FBLN2: variants seen among roughly 807,000 people sequenced by gnomAD.
FBLN2 encodes the protein fibulin 2.
FBLN2 carries 81 observed loss-of-function variants against 123.7 expected under a neutral mutation model. The ratio of observed to expected loss-of-function variants is 0.65; its 90% confidence interval spans 0.55 to 0.79. The LOEUF is 0.79. Ranked by LOEUF, FBLN2 falls within the 30% of genes least tolerant of loss-of-function variation. The pLI is 0.00. For synonymous variants in FBLN2, 699 were observed against 701.4 expected (o/e 1.00, Z 0.05); for missense variants, 1,603 against 1,681.3 (o/e 0.95, Z 0.81).
In FBLN2 at chr3:13,570,303, T is replaced by C; in HGVS notation, c.-41-12T>C. The C allele has an allele frequency of 6.8e-7, 1 of 1,464,204 alleles. No individual in the cohort carries two copies. Among genetic ancestry groups the C allele is most frequent in the Non-Finnish European group, 9.0e-7 (1 of 1,105,362 alleles). The allele number at this position is 1,464,204 out of a possible 1,614,324, so 90.7% of individuals were successfully genotyped here. A position where few individuals can be genotyped will look rare whatever the true frequency, so the allele number is the denominator to read the frequency against. On this transcript the variant is annotated splice_polypyrimidine_tract_variant and intron_variant, in intron 1 of 17. Transcript: ENST00000404922. The stretch of plus-strand genomic sequence containing the variant: ...ACCCAGTACTGACAGGCTTCCTTTC[T>C]GATTCCCCCAGGGTCTTACAGGAGA...
At chr3:13,579,278 G>A (rs368143128) in intron 2 of FBLN2, among the ~76,000 whole-genome samples, 7 of 152,306 alleles carry the variant, frequency 4.6e-5, no homozygotes, top group African/African-American at 1.4e-4. Context: ...TCTAGAATAC[G>A]CAAGCACACA....
chr3:13,620,134 G>A (rs1042052277), intron 8 of FBLN2, among the ~76,000 whole-genome samples: 1 of 152,182 alleles, frequency 6.6e-6, no homozygotes, highest in East Asian at 1.9e-4. Flanking sequence ...GTGTGCACCT[G>A]AGTCCCTGGA....
At chr3:13,590,481 A>T (rs1173871410) in intron 2 of FBLN2, among the ~76,000 whole-genome samples, 1 of 152,072 alleles carries the variant, frequency 6.6e-6, no homozygotes, top group Non-Finnish European at 1.5e-5. Flanking sequence ...GCCCACCACG[A>T]TGCCTGGCTA....
At position 13,598,698 on chromosome 3, in the gene FBLN2, C is replaced by G. The variant is rs146968134; in HGVS notation, c.1307-9364C>G. ...ACCCAGCCCCAGATTTTACCAGGGACCTGGTCTGTGCTGTGTGCTGGGCAC... is the reference window on the plus strand; with the variant it reads ...ACCCAGCCCCAGATTTTACCAGGGAGCTGGTCTGTGCTGTGTGCTGGGCAC... On this transcript the variant is annotated intron_variant, in intron 2 of 17. Coordinates refer to ENST00000404922, the MANE Select transcript of FBLN2 (RefSeq NM_001004019.2). Among the ~76,000 whole-genome samples the G allele has an allele frequency of 9.3e-4, 141 of 152,264 alleles. 1 individual carries two copies. Among genetic ancestry groups the G allele is most frequent in the African/African-American group, 3.2e-3 (135 of 41,544 alleles).
At chr3:13,610,609 G>A (rs988292688) in intron 4 of FBLN2, among the ~76,000 whole-genome samples, 1 of 152,194 alleles carries the variant, frequency 6.6e-6, no homozygotes, top group Non-Finnish European at 1.5e-5. Flanking sequence ...CTGTAAAGCC[G>A]TGGGAGGGAT....
At chr3:13,574,571 A>G (rs1168958098) in intron 2 of FBLN2, among the ~76,000 whole-genome samples, 1 of 152,094 alleles carries the variant, frequency 6.6e-6, no homozygotes, top group Non-Finnish European at 1.5e-5. Flanking sequence ...GCTCCAGCTC[A>G]AAGACAGGAC....
At chr3:13,631,186 C>T (rs900158854) in intron 15 of FBLN2, 143 bp from the exon 16 acceptor site, 15 of 1,102,320 alleles carry the variant, frequency 1.4e-5, no homozygotes, top group Non-Finnish European at 1.7e-5. Context: ...TTGGGCAACT[C>T]TCTTCTACTC....
At chr3:13,567,377 A>T (rs1172135692) in intron 1 of FBLN2, among the ~76,000 whole-genome samples, 3 of 152,112 alleles carry the variant, frequency 2.0e-5, no homozygotes, top group African/African-American at 7.2e-5. Context: ...TTTTGTTTTG[A>T]GACGGGGTCT....
intron 3 of FBLN2, among the ~76,000 whole-genome samples, chr3:13,608,740 C>A (rs1270137873): frequency 1.3e-5 from 2 of 152,134 alleles, no homozygotes; most frequent in Admixed American, 6.5e-5. Context: ...TTTCCAGGGA[C>A]CCCGTCTAAC....
chr3:13,622,159 TG>T (rs1372341117), intron 9 of FBLN2, among the ~76,000 whole-genome samples: 1 of 152,136 alleles, frequency 6.6e-6, no homozygotes, highest in East Asian at 1.9e-4. Context: ...ACTGGATGTG[TG>T]GCCTGGTGGA....
chr3:13,553,547 G>A (rs1380082179), intron 1 of FBLN2, among the ~76,000 whole-genome samples: 1 of 152,230 alleles, frequency 6.6e-6, no homozygotes, highest in Non-Finnish European at 1.5e-5. Context: ...CCTTTCCCAG[G>A]GCCCCTCGTG....
intron 16 of FBLN2, among the ~76,000 whole-genome samples, chr3:13,632,712 C>T (rs1181252535): frequency 1.3e-5 from 2 of 152,074 alleles, no homozygotes; most frequent in Admixed American, 1.3e-4. Context: ...TGGATGCAAA[C>T]GTATCAGAGT....
chr3:13,623,472 G>A (rs1315497993), intron 9 of FBLN2, among the ~76,000 whole-genome samples: 2 of 152,106 alleles, frequency 1.3e-5, no homozygotes, highest in African/African-American at 2.4e-5. Flanking sequence ...GTACAAACCC[G>A]TCAGCACCTC....
intron 16 of FBLN2, among the ~76,000 whole-genome samples, chr3:13,635,651 A>G (rs1706434997): frequency 6.6e-6 from 1 of 151,856 alleles, no homozygotes; most frequent in Non-Finnish European, 1.5e-5. Context: ...CATGGGGGAC[A>G]TTGACTCATA....
chr3:13,611,681 C>T (rs1234560683), intron 4 of FBLN2, among the ~76,000 whole-genome samples: 1 of 152,204 alleles, frequency 6.6e-6, no homozygotes, highest in East Asian at 1.9e-4. Context: ...GTCCATTCAT[C>T]GATGGACACT....
At chr3:13,623,569 A>G (rs553698989) in intron 9 of FBLN2, among the ~76,000 whole-genome samples, 4 of 152,130 alleles carry the variant, frequency 2.6e-5, no homozygotes, top group Non-Finnish European at 4.4e-5. Flanking sequence ...TACGTCCACA[A>G]ATGTCCACTG....
intron 1 of FBLN2, among the ~76,000 whole-genome samples, chr3:13,550,068 G>A (rs1309769328): frequency 6.6e-6 from 1 of 152,192 alleles, no homozygotes; most frequent in Non-Finnish European, 1.5e-5. Context: ...CAAATACCTG[G>A]AATCACAAAC....
chr3:13,589,481 G>A (rs1328932060), intron 2 of FBLN2, among the ~76,000 whole-genome samples: 1 of 152,058 alleles, frequency 6.6e-6, no homozygotes, highest in Non-Finnish European at 1.5e-5. Context: ...GGTTCCACCT[G>A]GAACCCCAGT....
At chr3:13,603,789 C>G (rs974177677) in intron 2 of FBLN2, among the ~76,000 whole-genome samples, 1 of 152,190 alleles carries the variant, frequency 6.6e-6, no homozygotes, top group African/African-American at 2.4e-5. Context: ...ATTTCTAGTT[C>G]TAGATCCCTG....
Sources: allele counts gnomAD v4.1 joint callset (sites outside exome capture counted in the v4.1 genomes callset), GRCh38; gene constraint gnomAD v4.1.1; transcripts MANE v1.5; gene names NCBI Gene and HGNC (gene_info 2026-07-23, HGNC 2026-07-21).